The following ZBTB7A variants were observed in gnomAD, a reference collection of about 807,000 sequenced individuals.
ZBTB7A encodes zinc finger and BTB domain-containing protein 7A.
A neutral mutation model predicts 26.7 loss-of-function variants in ZBTB7A; 7 were observed. That is an observed-to-expected ratio of 0.26 (90% CI 0.15 to 0.49). The LOEUF (loss-of-function observed/expected upper bound fraction) is 0.49. Ranked by LOEUF, ZBTB7A falls within the 20% of genes least tolerant of loss-of-function variation. ZBTB7A has a pLI of 0.98. For missense variants in ZBTB7A, 617 were observed against 919.5 expected (o/e 0.67, Z 4.25); for synonymous variants, 452 against 441.0 (o/e 1.02, Z -0.31).
At chr19:4,063,292 G>A (rs1212990387) in intron 1 of ZBTB7A, among the ~76,000 whole-genome samples, 1 of 152,184 alleles carries the variant, frequency 6.6e-6, no homozygotes, top group Admixed American at 6.5e-5. Context: ...CTCATCCAAG[G>A]TCGCAGAGCA....
At chr19:4,065,938 C>T (rs898357845) in intron 1 of ZBTB7A, among the ~76,000 whole-genome samples, 23 of 142,970 alleles carry the variant, frequency 1.6e-4, no homozygotes, top group African/African-American at 5.3e-4. Flanking sequence ...CCGCGCCGCG[C>T]CGCGCGATCG....
Position 4,054,360 on chromosome 19 carries a change from G to A in ZBTB7A, c.873C>T (p.Gly291=), listed in dbSNP as rs1444742733. The A allele has an allele frequency of 6.8e-6, 10 of 1,470,630 alleles. No individual in the cohort carries two copies. In the Admixed American group the frequency reaches 7.7e-5, roughly 11 times the overall value. 91.1% of individuals were successfully genotyped at this position (1,470,630 alleles called of 1,614,324 possible). A position where few individuals can be genotyped will look rare whatever the true frequency, so the allele number is the denominator to read the frequency against. The change falls in exon 2 of 3, where the codon GGC becomes GGT. Residue 291 remains glycine (G), a synonymous_variant. Transcript: ENST00000322357. Reference sequence around the variant, plus strand: ...CTCCCGACAGGAAGCCCGGAGAGTCGCCCGGCTCGGGGGCCGCCTCCGACA... The same window carrying A: ...CTCCCGACAGGAAGCCCGGAGAGTCACCCGGCTCGGGGGCCGCCTCCGACA... ...ASLSEAAPEP[G]DSPGFLSGAA...
At chr19:4,058,395 C>T (rs1392083725) in intron 1 of ZBTB7A, among the ~76,000 whole-genome samples, 1 of 152,186 alleles carries the variant, frequency 6.6e-6, no homozygotes, top group Non-Finnish European at 1.5e-5. Context: ...TCGGGCAGCG[C>T]CGGGCCCTGG....
intron 2 of ZBTB7A, among the ~76,000 whole-genome samples, chr19:4,050,114 G>A (rs2040484170): frequency 6.6e-6 from 1 of 151,886 alleles, no homozygotes; most frequent in Admixed American, 6.6e-5. Context: ...TAGTAGAGAC[G>A]GGGTTTCACC....
In ZBTB7A at chr19:4,054,181, T is replaced by G; in HGVS notation, c.1052A>C (p.Tyr351Ser). ...SRADDKGVMDYYLKYFSGAHD... is the reference protein window; with the variant it reads ...SRADDKGVMDSYLKYFSGAHD... ...GGCGCCGCTGAAGTACTTCAGGTAG[T>G]AGTCCATGACGCCCTTGTCGTCGGC... The change falls in exon 2 of 3, where the codon TAC (tyrosine) becomes TCC (serine). Residue 351 changes from tyrosine to serine, a missense_variant. Transcript: ENST00000322357. The G allele has an allele frequency of 6.3e-7, 1 of 1,599,030 alleles. No homozygotes were observed. The highest frequency in any genetic ancestry group is 8.5e-7 in the Non-Finnish European group (1 of 1,178,614).
chr19:4,052,854 C>T lies in ZBTB7A; in HGVS notation c.1262+1117G>A, dbSNP rs1209286197. ...GTGATCTCTCAAGCTGAGCTGGCCT[C>T]AGGGCCTCTGCACTGGCTGTTCCCT... On this transcript the variant is annotated intron_variant, in intron 2 of 2. Transcript: ENST00000322357. This position sits in a 1 kb window ranked among gnomAD's most constrained non-coding sequence, Gnocchi z 4.9. Among the ~76,000 whole-genome samples the T allele has an allele frequency of 6.6e-6, 1 of 152,226 alleles. No homozygotes were observed. The highest frequency in any genetic ancestry group is 1.5e-5 in the Non-Finnish European group (1 of 68,048).
At position 4,044,351 on chromosome 19, in the gene ZBTB7A, T is replaced by C. The variant is rs1277960999; in HGVS notation, c.*3401A>G. 6.8e-6 allele frequency: 1 copy of C among 148,016 alleles called. No individual in the cohort carries two copies. Among genetic ancestry groups the C allele is most frequent in the Non-Finnish European group, 1.5e-5 (1 of 66,088 alleles). The allele number at this position is 148,016 out of a possible 1,614,324, so 9.2% of individuals were successfully genotyped here. A position where few individuals can be genotyped will look rare whatever the true frequency, so the allele number is the denominator to read the frequency against. ...GCATTTTACATTCACTGGTTTATAA[T>C]TTTTTTTTTTCATTTTTAAAAACTT... On this transcript the variant is annotated 3_prime_UTR_variant, in exon 3 of 3. Coordinates refer to ENST00000322357, the MANE Select transcript of ZBTB7A (RefSeq NM_015898.4).
chr19:4,061,136 C>G (rs1379963338), intron 1 of ZBTB7A, among the ~76,000 whole-genome samples: 4 of 152,196 alleles, frequency 2.6e-5, no homozygotes, highest in Non-Finnish European at 1.5e-5. Context: ...GCGCCAGAGC[C>G]AGTCCCCAAA....
intron 1 of ZBTB7A, among the ~76,000 whole-genome samples, chr19:4,058,653 T>TCCGTGGCC: frequency 5.6e-5 from 1 of 17,828 alleles, no homozygotes; most frequent in Non-Finnish European, 1.3e-4. Context: ...AGCTGGGCCT[T>TCCGTGGCC]TCATGGCCTC....
rs751978994 is a variant in ZBTB7A, at chr19:4,054,597, G to A, written c.636C>T (p.Gly212=). 65 of 1,572,346 alleles carry A rather than the reference G, an allele frequency of 4.1e-5. No individual in the cohort carries two copies. In the Admixed American group the frequency reaches 5.2e-4, roughly 13 times the overall value. Residue 212 remains glycine (G), a synonymous_variant, in exon 2 of 3, where the codon GGC becomes GGT. Coordinates refer to ENST00000322357, the MANE Select transcript of ZBTB7A (RefSeq NM_015898.4). ...CATAGAAGTCTAAGCCGTTGCAGTC[G>A]CCCGCGGCCACGGCGGCCACAGCGG... is the stretch of plus-strand genomic sequence containing the variant. ...VAAAVAAVAA[G]DCNGLDFYGP... is the part of the protein sequence containing the mutation.
chr19:4,061,689 G>C (rs1281016816), intron 1 of ZBTB7A: 2 of 152,280 alleles, frequency 1.3e-5, no homozygotes, highest in African/African-American at 4.8e-5. Context: ...CCAGAGGCAG[G>C]AAGGCCGTGG....
chr19:4,055,322 A>T, intron 1 of ZBTB7A, 75 bp from the exon 2 acceptor site: 1 of 1,421,694 alleles, frequency 7.0e-7, no homozygotes, highest in Non-Finnish European at 9.2e-7. Context: ...CAAGGGCCCG[A>T]GGCCCTTGAG....
rs1205385155 is a variant in ZBTB7A at position 4,055,158 on chromosome 19, G to A, written c.75C>T (p.Asn25=). Residue 25 remains asparagine (N), a synonymous_variant, in exon 2 of 3, where the codon AAC becomes AAT. Transcript: ENST00000322357. ...DHSSDILSGL[N]EQRTQGLLCD... ...ACAGCAGGCCCTGCGTCCGCTGCTC[G>A]TTCAGCCCACTCAGGATGTCGCTGC... 6.2e-7 allele frequency: 1 copy of A among 1,607,166 alleles called. No individual in the cohort carries two copies. The highest frequency in any genetic ancestry group is 1.1e-5 in the South Asian group (1 of 90,808).
intron 1 of ZBTB7A, among the ~76,000 whole-genome samples, chr19:4,063,066 G>A (rs773508016): frequency 2.0e-5 from 3 of 152,118 alleles, no homozygotes; most frequent in Non-Finnish European, 4.4e-5. Context: ...GCTACTGCAG[G>A]GCAGTTTATG....
intron 1 of ZBTB7A, 182 bp from the exon 2 acceptor site, chr19:4,055,429 T>A: frequency 1.0e-6 from 1 of 985,422 alleles, no homozygotes; most frequent in Non-Finnish European, 1.2e-6. Context: ...TCCCCAGCTG[T>A]GCACCAAAGC....
At chr19:4,049,814 TC>T (rs2040478937) in intron 2 of ZBTB7A, among the ~76,000 whole-genome samples, 1 of 152,216 alleles carries the variant, frequency 6.6e-6, no homozygotes, top group Non-Finnish European at 1.5e-5. Flanking sequence ...GCTCCCGCAG[TC>T]CGGGGTACTT....
intron 2 of ZBTB7A, among the ~76,000 whole-genome samples, chr19:4,049,947 C>T (rs1416111523): frequency 1.3e-5 from 2 of 152,038 alleles, no homozygotes; most frequent in Admixed American, 6.6e-5. Context: ...TTTCTGAGAC[C>T]GAGTCTCGCT....
chr19:4,066,261 T>C (rs2145014809), intron 1 of ZBTB7A, among the ~76,000 whole-genome samples: 1 of 133,012 alleles, frequency 7.5e-6, no homozygotes, highest in South Asian at 2.6e-4. Context: ...CAGCACCGAA[T>C]AGGCCCCCGG....
At chr19:4,049,430 G>T (rs762221259) in intron 2 of ZBTB7A, among the ~76,000 whole-genome samples, 16 of 151,184 alleles carry the variant, frequency 1.1e-4, no homozygotes, top group Admixed American at 5.3e-4. Flanking sequence ...GCCAGTGCCT[G>T]GTGCCTTCAT....
Sources: allele counts gnomAD v4.1 joint callset (sites outside exome capture counted in the v4.1 genomes callset), GRCh38; gene constraint gnomAD v4.1.1; non-coding constraint Gnocchi (gnomAD v3.1); transcripts MANE v1.5; gene names NCBI Gene and HGNC (gene_info 2026-07-23, HGNC 2026-07-21).